Variants in SMC6 observed in about 807,000 individuals in gnomAD.
SMC6 encodes structural maintenance of chromosomes 6.
A neutral mutation model predicts 142.2 loss-of-function variants in SMC6; 79 were observed. That is an observed-to-expected ratio of 0.56 (90% CI 0.46 to 0.67). SMC6 has a LOEUF of 0.67. SMC6 is among the 30% of genes least tolerant of loss of function. The pLI is 0.00. For missense variants in SMC6, 1,072 were observed against 1,284.0 expected, an observed-to-expected ratio of 0.83 and a Z score of 2.52; for synonymous variants, 411 against 412.4, an observed-to-expected ratio of 1.00 and a Z score of 0.04.
chr2:17,721,753 T>C (rs1572329390), intron 9 of SMC6, among the ~76,000 whole-genome samples: 1 of 151,370 alleles, frequency 6.6e-6, no homozygotes, highest in Non-Finnish European at 1.5e-5. Flanking sequence ...TGGAGTGCAG[T>C]GGCACAATCT....
chr2:17,744,011 G>A (rs1327436451), intron 3 of SMC6, among the ~76,000 whole-genome samples: 1 of 152,126 alleles, frequency 6.6e-6, no homozygotes, highest in African/African-American at 2.4e-5. Context: ...CCAAGTTTTG[G>A]TAATTATGAA....
intron 3 of SMC6, among the ~76,000 whole-genome samples, chr2:17,743,546 T>A (rs1670580472): frequency 6.6e-6 from 1 of 152,144 alleles, no homozygotes; most frequent in Non-Finnish European, 1.5e-5. Context: ...ACATCCACTA[T>A]CAGCGTGGTA....
At chr2:17,720,269 C>T (rs773882366) in intron 11 of SMC6, among the ~76,000 whole-genome samples, 15 of 152,154 alleles carry the variant, frequency 9.9e-5, no homozygotes, top group Admixed American at 2.0e-4. Flanking sequence ...TGGAAAGCCT[C>T]AACAGAGAAT....
chr2:17,724,914 T>C (rs1669539942), intron 9 of SMC6, among the ~76,000 whole-genome samples: 2 of 152,222 alleles, frequency 1.3e-5, no homozygotes, highest in Admixed American at 1.3e-4. Flanking sequence ...ATTGCAGTTT[T>C]TAAACTACTT....
At chr2:17,677,867 A>C (rs1667069747) in intron 25 of SMC6, among the ~76,000 whole-genome samples, 2 of 152,190 alleles carry the variant, frequency 1.3e-5, no homozygotes, top group African/African-American at 4.8e-5. Flanking sequence ...TTAAACAAAA[A>C]AGATGTTCCA....
chr2:17,738,852 T>C (rs1272163665), intron 4 of SMC6, among the ~76,000 whole-genome samples: 1 of 152,162 alleles, frequency 6.6e-6, no homozygotes, highest in Admixed American at 6.5e-5. Context: ...GTTGGTATGT[T>C]GCCCAGGGTG....
chr2:17,698,646 T>G (rs1331892842), intron 21 of SMC6, among the ~76,000 whole-genome samples: 1 of 152,100 alleles, frequency 6.6e-6, no homozygotes, highest in South Asian at 2.1e-4. Context: ...AGAGAGCATA[T>G]AGTCATGTTT....
chr2:17,714,962 C>A lies in SMC6; in HGVS notation c.1629G>T (p.Arg543Ser), dbSNP rs759905946. 1.9e-6 allele frequency: 3 copies of A among 1,613,838 alleles called. No homozygotes were observed. The African/African-American group carries it at 4.0e-5, about 22-fold the overall frequency. ...AYCCHNHADE[R>S]VLQALMKRFY... is the part of the protein sequence containing the mutation. The stretch of plus-strand genomic sequence containing the variant: ...ACCTTTTCATGAGTGCCTGAAGGAC[C>A]CTTTCATCAGCATGATTATGGCAAC... The change falls in exon 16 of 28, where the codon AGG becomes AGT. Residue 543 changes from arginine to serine, a missense_variant. By Grantham distance (110) the Arg-to-Ser change is moderately radical. Coordinates refer to ENST00000448223, the MANE Select transcript of SMC6 (RefSeq NM_001142286.2).
chr2:17,726,209 A>G (rs1669616534), intron 8 of SMC6, among the ~76,000 whole-genome samples, 180 bp downstream of exon 8: 1 of 151,798 alleles, frequency 6.6e-6, no homozygotes, highest in Non-Finnish European at 1.5e-5. Context: ...CAAAGATTTA[A>G]AAAAATTATA....
At chr2:17,687,041 A>C (rs1183581791) in intron 23 of SMC6, among the ~76,000 whole-genome samples, 1 of 152,204 alleles carries the variant, frequency 6.6e-6, no homozygotes, top group Non-Finnish European at 1.5e-5. Flanking sequence ...TCCAAAATCC[A>C]AAATACTTCT....
chr2:17,710,375 T>C (rs1316929091), intron 16 of SMC6, among the ~76,000 whole-genome samples: 3 of 152,146 alleles, frequency 2.0e-5, no homozygotes, highest in East Asian at 3.9e-4. Flanking sequence ...GAAATGCTTA[T>C]TGGGCATCTA....
intron 8 of SMC6, among the ~76,000 whole-genome samples, chr2:17,726,087 TAA>T (rs35471536): frequency 0.29 from 15,546 of 53,444 alleles, 976 homozygotes; most frequent in Non-Finnish European, 0.34. Flanking sequence ...GGCTCTGTCT[TAA>T]AAAAAAAAAA....
chr2:17,745,271 G>A (rs1014101760), intron 3 of SMC6, among the ~76,000 whole-genome samples: 2 of 150,942 alleles, frequency 1.3e-5, no homozygotes, highest in African/African-American at 5.0e-5. Flanking sequence ...GTAGATTCAT[G>A]TTAATTCTTC....
chr2:17,747,795 C>T (rs569746600), intron 2 of SMC6, among the ~76,000 whole-genome samples: 7 of 152,080 alleles, frequency 4.6e-5, no homozygotes, highest in African/African-American at 1.4e-4. Context: ...TGAGTCATCA[C>T]GGCTGGCCAA....
rs751571851 is a variant in SMC6, at chr2:17,683,717, C to T, written c.2725G>A (p.Val909Met). The T allele has an allele frequency of 3.1e-6, 5 of 1,611,804 alleles. No individual in the cohort carries two copies. The East Asian group carries it at 1.1e-4, about 36-fold the overall frequency. The change falls in exon 24 of 28, where the codon GTG becomes ATG. Residue 909 changes from valine (V) to methionine (M), a missense_variant. Physicochemically the swap from Val to Met is conservative, Grantham distance 21. Coordinates refer to ENST00000448223, the MANE Select transcript of SMC6 (RefSeq NM_001142286.2). ...TTAATAAACTTTTTTAAAGTCCTCACTTTACTATCCAGATCAAGATAGGTC... is the reference window on the plus strand; with the variant it reads ...TTAATAAACTTTTTTAAAGTCCTCATTTTACTATCCAGATCAAGATAGGTC... Reference protein sequence around the residue: ...RETYLDLDSKVRTLKKFIKLL... With the variant: ...RETYLDLDSKMRTLKKFIKLL...
Position 17,725,252 on chromosome 2 carries a change from C to T in SMC6, c.726+5G>A, listed in dbSNP as rs1207590478. On this transcript the variant is annotated splice_donor_5th_base_variant and intron_variant, in intron 9 of 27. Coordinates refer to ENST00000448223, the MANE Select transcript of SMC6 (RefSeq NM_001142286.2). ...CAAAAAGATTTACATTAACTGTTTA[C>T]AAACCTCTTCTCCTTGATGTATCTG... 2 of 1,594,456 alleles carry T rather than the reference C, an allele frequency of 1.3e-6. No homozygotes were observed. Among genetic ancestry groups the T allele is most frequent in the Non-Finnish European group, 1.7e-6 (2 of 1,171,956 alleles).
chr2:17,731,283 A>G (rs1669903825), intron 6 of SMC6, 144 bp from the exon 7 acceptor site: 1 of 614,136 alleles, frequency 1.6e-6, no homozygotes, highest in African/African-American at 1.9e-5. Flanking sequence ...ACAAATATGA[A>G]TGAACATGGC....
At chr2:17,687,559 T>A (rs1667515880) in intron 23 of SMC6, among the ~76,000 whole-genome samples, 2 of 151,992 alleles carry the variant, frequency 1.3e-5, no homozygotes, top group African/African-American at 4.8e-5. Flanking sequence ...AGAAAACACA[T>A]ATGAACCTGC....
chr2:17,682,637 A>G (rs1263651112), intron 24 of SMC6, among the ~76,000 whole-genome samples: 1 of 152,160 alleles, frequency 6.6e-6, no homozygotes, highest in Non-Finnish European at 1.5e-5. Flanking sequence ...CTTATTGGCC[A>G]GAGTGAAAAC....
Sources: gnomAD v4.1 joint callset for allele counts (sites outside exome capture counted in the v4.1 genomes callset) on GRCh38, gnomAD v4.1.1 for gene constraint, MANE v1.5 for transcripts, NCBI Gene and HGNC (gene_info 2026-07-23, HGNC 2026-07-21) for gene names.